Variants in TNFSF13B observed in about 807,000 individuals in gnomAD.
TNFSF13B encodes TNF superfamily member 13b.
A neutral mutation model predicts 29.1 loss-of-function variants in TNFSF13B; 8 were observed. The ratio of observed to expected loss-of-function variants is 0.27; its 90% confidence interval spans 0.16 to 0.50. The LOEUF is 0.50. TNFSF13B is among the 20% of genes least tolerant of loss of function. The pLI, the probability that TNFSF13B is intolerant of heterozygous loss-of-function variation, is 0.98. For missense variants in TNFSF13B, 248 were observed against 334.9 expected, an observed-to-expected ratio of 0.74 and a Z score of 2.03; for synonymous variants, 125 against 130.8, an observed-to-expected ratio of 0.96 and a Z score of 0.30.
chr13:108,289,888 T>C (rs962603678), intron 3 of TNFSF13B, among the ~76,000 whole-genome samples: 1 of 151,954 alleles, frequency 6.6e-6, no homozygotes. Flanking sequence ...TCTCATGTCT[T>C]TTCTGTTCAT....
intron 3 of TNFSF13B, among the ~76,000 whole-genome samples, chr13:108,295,756 T>C (rs961799127): frequency 6.9e-6 from 1 of 145,676 alleles, no homozygotes; most frequent in Non-Finnish European, 1.5e-5. Flanking sequence ...TCTCAAAGTA[T>C]TTTCTATTTT....
At chr13:108,277,962 G>A (rs995534551) in intron 2 of TNFSF13B, among the ~76,000 whole-genome samples, 1 of 152,136 alleles carries the variant, frequency 6.6e-6, no homozygotes, top group Admixed American at 6.5e-5. Flanking sequence ...AGCCCAGTAG[G>A]TCTCAGTTAT....
chr13:108,296,626 G>A (rs1012239275), intron 3 of TNFSF13B, among the ~76,000 whole-genome samples: 3 of 145,750 alleles, frequency 2.1e-5, no homozygotes, highest in African/African-American at 7.7e-5. Context: ...AGTGATTACT[G>A]ATAAGGAAAG....
At position 108,270,313 on chromosome 13, in the gene TNFSF13B, A is replaced by G. The variant is rs775906809; in HGVS notation, c.340-27A>G. ...TCTCCCTCGCCTCAGCTGTCTTTCT[A>G]ATAACTTGAAGTTTTTCTGTTCATA... On this transcript the variant is annotated intron_variant, in intron 1 of 5. Coordinates refer to ENST00000375887, the MANE Select transcript of TNFSF13B (RefSeq NM_006573.5). 2.5e-6 allele frequency: 4 copies of G among 1,613,932 alleles called. No homozygotes were observed. In the East Asian group the frequency reaches 8.9e-5, roughly 36 times the overall value.
chr13:108,298,614 C>T (rs1028050785), intron 3 of TNFSF13B, among the ~76,000 whole-genome samples: 1 of 145,134 alleles, frequency 6.9e-6, no homozygotes, highest in South Asian at 2.1e-4. Context: ...ATTTCTGTGT[C>T]TTTTGCTTCT....
intron 3 of TNFSF13B, among the ~76,000 whole-genome samples, chr13:108,297,984 G>T (rs1881501567): frequency 6.8e-6 from 1 of 146,024 alleles, no homozygotes; most frequent in Non-Finnish European, 1.5e-5. Context: ...CCTTTCCACT[G>T]CTTATCCCCT....
At chr13:108,304,467 C>T (rs541633625) in intron 5 of TNFSF13B, among the ~76,000 whole-genome samples, 4 of 152,146 alleles carry the variant, frequency 2.6e-5, no homozygotes, top group Admixed American at 1.3e-4. Context: ...GCAGAGAGCA[C>T]GGCAGATCTT....
In TNFSF13B at chr13:108,303,263, A is replaced by G; in HGVS notation, c.492A>G (p.Thr164=). The change falls in exon 4 of 6, where the codon ACA becomes ACG. Residue 164 remains threonine (T), a synonymous_variant. Transcript: ENST00000375887. ...ETPTIQKGSY[T]FVPWLLSFKR... ...TTCTCTTCATTGCAGGATCTTACACATTTGTTCCATGGCTTCTCAGCTTTA... is the reference window on the plus strand; with the variant it reads ...TTCTCTTCATTGCAGGATCTTACACGTTTGTTCCATGGCTTCTCAGCTTTA... 1 of 1,611,406 alleles carries G rather than the reference A, an allele frequency of 6.2e-7. No homozygotes were observed.
At chr13:108,302,105 T>C (rs1348945816) in intron 3 of TNFSF13B, among the ~76,000 whole-genome samples, 1 of 152,178 alleles carries the variant, frequency 6.6e-6, no homozygotes, top group African/African-American at 2.4e-5. Flanking sequence ...AAATATTCTT[T>C]AATCTCAATT....
At chr13:108,291,517 A>T (rs1489597495) in intron 3 of TNFSF13B, among the ~76,000 whole-genome samples, 1 of 151,870 alleles carries the variant, frequency 6.6e-6, no homozygotes, top group Non-Finnish European at 1.5e-5. Context: ...TTCTTTCATT[A>T]TATTTTCCAG....
At chr13:108,304,512 A>G (rs530872800) in intron 5 of TNFSF13B, among the ~76,000 whole-genome samples, 1 of 152,282 alleles carries the variant, frequency 6.6e-6, no homozygotes, top group Admixed American at 6.5e-5. Context: ...GTAATTGCCA[A>G]CATTTCCTTC....
chr13:108,284,191 T>C (rs907325644), intron 2 of TNFSF13B, among the ~76,000 whole-genome samples: 13 of 152,248 alleles, frequency 8.5e-5, no homozygotes, highest in Non-Finnish European at 1.8e-4. Flanking sequence ...TAGCCAGGCA[T>C]GGTGGCGGGC....
chr13:108,293,852 A>G (rs572174512), intron 3 of TNFSF13B, among the ~76,000 whole-genome samples: 10 of 152,336 alleles, frequency 6.6e-5, no homozygotes, highest in Admixed American at 2.6e-4. Context: ...GGCTGAGAAC[A>G]GAGACAAAAG....
At chr13:108,270,950 T>TACACACACACACACACACAC (rs138902471) in intron 2 of TNFSF13B, among the ~76,000 whole-genome samples, 1 of 150,474 alleles carries the variant, frequency 6.6e-6, no homozygotes, top group African/African-American at 2.4e-5. Context: ...AAGGTTATTT[T>TACACACACACACACACACAC]ACACACACAC....
intron 4 of TNFSF13B, 29 bp from the exon 5 acceptor site, chr13:108,303,425 C>A: frequency 1.2e-6 from 2 of 1,609,876 alleles, no homozygotes; most frequent in Non-Finnish European, 1.7e-6. Flanking sequence ...GTGTTCATTT[C>A]TGACACAGTT....
intron 2 of TNFSF13B, among the ~76,000 whole-genome samples, chr13:108,280,886 C>T (rs1880929223): frequency 6.6e-6 from 1 of 152,134 alleles, no homozygotes; most frequent in Admixed American, 6.5e-5. Flanking sequence ...ACGCAAGTTA[C>T]AGAAAATTAT....
Position 108,303,472 on chromosome 13 carries a change from A to G in TNFSF13B, c.613A>G (p.Thr205Ala). ...TTCTTAGGTTTTATATACTGATAAG[A>G]CCTACGCCATGGGACATCTAATTCA... ...IYGQVLYTDKTYAMGHLIQRK... is the reference protein window; with the variant it reads ...IYGQVLYTDKAYAMGHLIQRK... The change falls in exon 5 of 6, where the codon ACC becomes GCC. Residue 205 changes from threonine to alanine, a missense_variant. Transcript: ENST00000375887. 1 of 1,613,226 alleles carries G rather than the reference A, an allele frequency of 6.2e-7. No homozygotes were observed. Among genetic ancestry groups the G allele is most frequent in the Non-Finnish European group, 8.5e-7 (1 of 1,179,670 alleles).
chr13:108,276,080 G>A (rs565769099), intron 2 of TNFSF13B, among the ~76,000 whole-genome samples: 5 of 152,200 alleles, frequency 3.3e-5, no homozygotes, highest in Non-Finnish European at 7.3e-5. Context: ...TGACAAGTCT[G>A]TAATGTCCAG....
At chr13:108,285,048 T>G (rs1881083846) in intron 2 of TNFSF13B, among the ~76,000 whole-genome samples, 1 of 152,184 alleles carries the variant, frequency 6.6e-6, no homozygotes, top group South Asian at 2.1e-4. Context: ...GGCACAGGCA[T>G]GGATACCTTT....
Sources: allele counts gnomAD v4.1 joint callset (sites outside exome capture counted in the v4.1 genomes callset), GRCh38; gene constraint gnomAD v4.1.1; transcripts MANE v1.5; gene names NCBI Gene and HGNC (gene_info 2026-07-23, HGNC 2026-07-21).